The following GNB5 variants were observed in gnomAD, a reference collection of about 807,000 sequenced individuals.
GNB5 encodes guanine nucleotide-binding protein subunit beta-5.
GNB5 carries 37 observed loss-of-function variants against 55.3 expected under a neutral mutation model. The ratio of observed to expected loss-of-function variants is 0.67; its 90% confidence interval spans 0.51 to 0.88. The LOEUF (loss-of-function observed/expected upper bound fraction) is 0.88, where lower values mean the gene tolerates loss of function less well. Ranked by LOEUF, GNB5 falls within the 40% of genes least tolerant of loss-of-function variation. GNB5 has a pLI of 0.00. For missense variants in GNB5, 476 were observed against 515.3 expected (o/e 0.92, Z 0.74); for synonymous variants, 219 against 198.5 (o/e 1.10, Z -0.87).
At chr15:52,134,934 G>A (rs2033665576) in intron 8 of GNB5, among the ~76,000 whole-genome samples, 1 of 151,964 alleles carries the variant, frequency 6.6e-6, no homozygotes, top group African/African-American at 2.4e-5. Flanking sequence ...CCATCCTGGG[G>A]AGGGGAAGTG....
In GNB5 at chr15:52,120,372, T is replaced by C. The variant is rs868162504; in HGVS notation, c.*2385A>G. 1 of 152,286 alleles carries C rather than the reference T, an allele frequency of 6.6e-6. No individual in the cohort carries two copies. The highest frequency in any genetic ancestry group is 1.5e-5 in the Non-Finnish European group (1 of 68,058). 9.4% of individuals were successfully genotyped at this position (152,286 alleles called of 1,614,324 possible). On this transcript the variant is annotated 3_prime_UTR_variant, in exon 13 of 13. Transcript: ENST00000261837. The stretch of plus-strand genomic sequence containing the variant: ...ATCAGCAAATCCCGACAGCACCCAC[T>C]GCGAGAGCGCATGCTCACAGCGAAG...
At chr15:52,147,731 C>T (rs1318988093) in intron 5 of GNB5, among the ~76,000 whole-genome samples, 196 bp from the exon 6 acceptor site, 1 of 152,002 alleles carries the variant, frequency 6.6e-6, no homozygotes, top group Non-Finnish European at 1.5e-5. Flanking sequence ...TACAGGCATG[C>T]GCCACCATGC....
chr15:52,151,383 G>A (rs140830957), intron 4 of GNB5, among the ~76,000 whole-genome samples: 2,476 of 152,278 alleles, frequency 0.016, 73 homozygotes, highest in African/African-American at 0.056. Context: ...GTGCTCTGGC[G>A]TCTCATTAAA....
rs1314742432 is a variant in GNB5, at chr15:52,121,629, A to T, written c.*1128T>A. ...AATATAATTTTTTTTTTTTTTTGAG[A>T]CGGAGTCTCGCTTTGTCACCCAGGC... On this transcript the variant is annotated 3_prime_UTR_variant, in exon 13 of 13. Coordinates refer to ENST00000261837, the MANE Select transcript of GNB5 (RefSeq NM_016194.4). 14 of 147,658 alleles carry T rather than the reference A, an allele frequency of 9.5e-5. No homozygotes were observed. The highest frequency in any genetic ancestry group is 1.3e-4 in the Non-Finnish European group (9 of 67,504). The allele number at this position is 147,658 out of a possible 1,614,324, so 9.1% of individuals were successfully genotyped here. A position where few individuals can be genotyped will look rare whatever the true frequency, so the allele number is the denominator to read the frequency against.
Position 52,120,578 on chromosome 15 carries a change from C to T in GNB5, c.*2179G>A, listed in dbSNP as rs758155660. On this transcript the variant is annotated 3_prime_UTR_variant, in exon 13 of 13. Coordinates refer to ENST00000261837, the MANE Select transcript of GNB5 (RefSeq NM_016194.4). The stretch of plus-strand genomic sequence containing the variant: ...CCTGGGCCACCTTTCCTTCCTTTCT[C>T]GTGCCTTCCTGCACTTCTGGGAGCC... The T allele has an allele frequency of 1.3e-5, 2 of 152,094 alleles. No homozygotes were observed. Among genetic ancestry groups the T allele is most frequent in the Admixed American group, 6.5e-5 (1 of 15,274 alleles). 9.4% of individuals were successfully genotyped at this position (152,094 alleles called of 1,614,324 possible).
At chr15:52,166,330 G>T (rs2034450045) in intron 3 of GNB5, among the ~76,000 whole-genome samples, 1 of 152,140 alleles carries the variant, frequency 6.6e-6, no homozygotes, top group Non-Finnish European at 1.5e-5. Flanking sequence ...CTCAGCTCTG[G>T]ATGAAGTGGA....
intron 3 of GNB5, among the ~76,000 whole-genome samples, chr15:52,166,003 C>T (rs540564767): frequency 6.6e-6 from 1 of 152,198 alleles, no homozygotes; most frequent in South Asian, 2.1e-4. Flanking sequence ...GAAAATTTAC[C>T]AAGCAAATGG....
chr15:52,179,657 C>T, intron 3 of GNB5, 111 bp downstream of exon 3: 3 of 549,406 alleles, frequency 5.5e-6, no homozygotes, highest in Non-Finnish European at 7.9e-6. Flanking sequence ...GGCGGTGGCG[C>T]GGGCCTGGCT....
intron 2 of GNB5, chr15:52,181,057 G>A (rs1039080625): frequency 6.6e-6 from 1 of 152,180 alleles, no homozygotes; most frequent in East Asian, 1.9e-4. Context: ...CAGAGAATGA[G>A]AAGGCAGATC....
intron 1 of GNB5, among the ~76,000 whole-genome samples, chr15:52,189,270 C>G (rs911394807): frequency 5.3e-5 from 8 of 152,188 alleles, no homozygotes; most frequent in African/African-American, 1.9e-4. Context: ...CCCCGCAATC[C>G]TACTTCTAGA....
In GNB5 at chr15:52,164,415, G is replaced by A. The variant is rs1196544943; in HGVS notation, c.239-10339C>T. 4.0e-5 allele frequency among the ~76,000 whole-genome samples: 6 copies of A among 151,306 alleles called. No homozygotes were observed. The East Asian group carries it at 1.2e-3, about 29-fold the overall frequency. ...GGGCGGATCACGAAGTCAGGAGATC[G>A]AGACATTCTTGGCTAACACGGTGAA... On this transcript the variant is annotated intron_variant, in intron 3 of 12. Transcript: ENST00000261837.
chr15:52,128,647 C>T (rs929531091), intron 9 of GNB5: 15 of 480,912 alleles, frequency 3.1e-5, no homozygotes, highest in African/African-American at 1.4e-4. Flanking sequence ...TTACTACCTG[C>T]GATACTTTTG....
chr15:52,185,597 C>T (rs1040321928), intron 1 of GNB5, among the ~76,000 whole-genome samples: 9 of 151,868 alleles, frequency 5.9e-5, no homozygotes, highest in African/African-American at 2.2e-4. Context: ...CCTATGGCAA[C>T]GGTTCAGACA....
At chr15:52,154,163 G>C in intron 3 of GNB5, 87 bp from the exon 4 acceptor site, 1 of 1,307,014 alleles carries the variant, frequency 7.7e-7, no homozygotes, top group East Asian at 2.5e-5. Flanking sequence ...ATGTTCCGCA[G>C]AGGGAGGCGG....
At position 52,136,172 on chromosome 15, in the gene GNB5, A is replaced by ACACACACAC. The variant is rs1168734914; in HGVS notation, c.628-417_628-416insGTGTGTGTG. 9.7e-3 allele frequency among the ~76,000 whole-genome samples: 972 copies of ACACACACAC among 99,942 alleles called. 48 individuals are homozygous for ACACACACAC. Among genetic ancestry groups the ACACACACAC allele is most frequent in the African/African-American group, 0.022 (502 of 22,728 alleles). 65.6% of individuals were successfully genotyped at this position (99,942 alleles called of 152,430 possible). A position where few individuals can be genotyped will look rare whatever the true frequency, so the allele number is the denominator to read the frequency against. ...CACACACACACACACACACACACAC[A>ACACACACAC]CCCTACCTGCTGTATCTGGGTTCAT... On this transcript the variant is annotated intron_variant, in intron 7 of 12. Coordinates refer to ENST00000261837, the MANE Select transcript of GNB5 (RefSeq NM_016194.4).
chr15:52,125,881 T>G (rs561654765), intron 11 of GNB5, 67 bp downstream of exon 11: 1 of 709,996 alleles, frequency 1.4e-6, no homozygotes, highest in African/African-American at 1.8e-5. Context: ...TGAGCGATGA[T>G]GGAGCGCTAG....
chr15:52,126,122 G>A (rs1315632926), intron 10 of GNB5, 78 bp from the exon 11 acceptor site: 1 of 707,376 alleles, frequency 1.4e-6, no homozygotes. Context: ...CTACAGGTAG[G>A]TGCTAGTGAC....
intron 2 of GNB5, among the ~76,000 whole-genome samples, chr15:52,182,599 T>C (rs142244245): frequency 6.6e-6 from 1 of 152,142 alleles, no homozygotes; most frequent in Non-Finnish European, 1.5e-5. Context: ...TCAGAAAAGT[T>C]GAGGTCAGCT....
chr15:52,164,026 G>A (rs893988225), intron 3 of GNB5, among the ~76,000 whole-genome samples: 2 of 152,142 alleles, frequency 1.3e-5, no homozygotes, highest in African/African-American at 2.4e-5. Context: ...AAAAACAGCC[G>A]GGCACGGTGG....
Sources: gnomAD v4.1 joint callset for allele counts (sites outside exome capture counted in the v4.1 genomes callset) on GRCh38, gnomAD v4.1.1 for gene constraint, MANE v1.5 for transcripts, NCBI Gene and HGNC (gene_info 2026-07-23, HGNC 2026-07-21) for gene names.